ARHGAP22: variants seen among roughly 807,000 people sequenced by gnomAD.
ARHGAP22 encodes the protein Rho GTPase activating protein 22, also known as rho GTPase-activating protein 22.
In ARHGAP22, 48 loss-of-function variants were observed where a neutral mutation model predicts 59.1. The observed-to-expected ratio is 0.81, with a 90% CI of 0.64 to 1.03. The LOEUF (loss-of-function observed/expected upper bound fraction) is 1.03. Among genes scored for constraint, ARHGAP22 ranks in the 50% least tolerant of loss-of-function variants. ARHGAP22 has a pLI of 0.00. For synonymous variants in ARHGAP22, 445 were observed against 416.4 expected, an observed-to-expected ratio of 1.07 and a Z score of -0.84; for missense variants, 1,015 against 958.7, an observed-to-expected ratio of 1.06 and a Z score of -0.78.
At chr10:48,594,697 C>T (rs1296271672) in intron 1 of ARHGAP22, among the ~76,000 whole-genome samples, 2 of 152,144 alleles carry the variant, frequency 1.3e-5, no homozygotes, top group Non-Finnish European at 2.9e-5. Flanking sequence ...ACTGGGAGTG[C>T]CTAGGAGTTT....
At chr10:48,440,320 CAT>C in the ARHGAP22 span, among the ~76,000 whole-genome samples, 2 of 152,152 alleles carry the variant, frequency 1.3e-5, no homozygotes, top group South Asian at 4.1e-4. Flanking sequence ...TTCTGTCTAA[CAT>C]GTACTTTACT....
At chr10:48,439,848 C>T in the ARHGAP22 span, among the ~76,000 whole-genome samples, 1 of 152,220 alleles carries the variant, frequency 6.6e-6, no homozygotes, top group African/African-American at 2.4e-5. Flanking sequence ...ACAGTTCCTG[C>T]TCCAAATGAC....
chr10:48,640,873 G>A (rs567037042), intron 1 of ARHGAP22, among the ~76,000 whole-genome samples: 1 of 152,202 alleles, frequency 6.6e-6, no homozygotes, highest in Admixed American at 6.5e-5. Context: ...GACATAGTAT[G>A]TATAAAGCTA....
At chr10:48,642,536 T>C (rs1224561830) in intron 1 of ARHGAP22, among the ~76,000 whole-genome samples, 4 of 152,222 alleles carry the variant, frequency 2.6e-5, no homozygotes, top group Admixed American at 6.5e-5. Flanking sequence ...GCTAGCCATA[T>C]GTAGAAAGCT....
chr10:48,597,092 T>C, intron 1 of ARHGAP22, among the ~76,000 whole-genome samples: 1 of 152,188 alleles, frequency 6.6e-6, no homozygotes, highest in East Asian at 1.9e-4. Flanking sequence ...CGCAGAATGA[T>C]TGACTTCCAT....
intron 2 of ARHGAP22, among the ~76,000 whole-genome samples, chr10:48,558,340 GT>G (rs59162298): frequency 0.37 from 55,576 of 149,154 alleles, 12,104 homozygotes; most frequent in Non-Finnish European, 0.49. Context: ...GCGATTTAAT[GT>G]TTTTTTTTTG....
intron 1 of ARHGAP22, among the ~76,000 whole-genome samples, chr10:48,588,751 G>A (rs1390352414): frequency 6.6e-6 from 1 of 152,236 alleles, no homozygotes; most frequent in African/African-American, 2.4e-5. Context: ...TGTTCCCTGT[G>A]GGGTCCCGCA....
intron 1 of ARHGAP22, among the ~76,000 whole-genome samples, chr10:48,597,553 G>A (rs142701364): frequency 1.0e-3 from 158 of 152,264 alleles, no homozygotes; most frequent in African/African-American, 3.5e-3. Context: ...TTCCTAGACT[G>A]TGGTGAGGAT....
chr10:48,459,941 TG>T, intron 4 of ARHGAP22, 50 bp from the exon 5 acceptor site: 29 of 1,574,632 alleles, frequency 1.8e-5, no homozygotes, highest in Non-Finnish European at 2.4e-5. Flanking sequence ...AGCTCAGTGT[TG>T]GGTGCTCAGG....
intron 4 of ARHGAP22, among the ~76,000 whole-genome samples, chr10:48,465,466 C>A (rs987624979): frequency 6.6e-6 from 1 of 152,264 alleles, no homozygotes; most frequent in African/African-American, 2.4e-5. Flanking sequence ...GGCCACCTTC[C>A]GGGGTGTGAG....
chr10:48,571,823 A>T (rs2058414578), intron 2 of ARHGAP22, among the ~76,000 whole-genome samples: 3 of 152,144 alleles, frequency 2.0e-5, no homozygotes. Flanking sequence ...TCATTCATCT[A>T]GGCTGTGTGG....
chr10:48,558,489 T>C (rs750791190), intron 2 of ARHGAP22, among the ~76,000 whole-genome samples: 4 of 152,026 alleles, frequency 2.6e-5, no homozygotes, highest in Non-Finnish European at 4.4e-5. Context: ...CGACCTCTAT[T>C]TGGGACCATA....
At chr10:48,544,466 T>C (rs2056252511) in intron 3 of ARHGAP22, among the ~76,000 whole-genome samples, 3 of 152,194 alleles carry the variant, frequency 2.0e-5, no homozygotes, top group African/African-American at 7.2e-5. Flanking sequence ...TATGCTGGTG[T>C]TCTCATCTAG....
chr10:48,605,906 G>C (rs2060653290), upstream of ARHGAP22, among the ~76,000 whole-genome samples: 1 of 152,088 alleles, frequency 6.6e-6, no homozygotes, highest in Admixed American at 6.5e-5. Context: ...CAGAACCCAG[G>C]GCTGTGTCTA....
intron 4 of ARHGAP22, among the ~76,000 whole-genome samples, chr10:48,469,212 G>A (rs1027027959): frequency 6.6e-6 from 1 of 152,222 alleles, no homozygotes; most frequent in East Asian, 1.9e-4. Flanking sequence ...GAGGCCTGCA[G>A]GCACCACCCA....
At chr10:48,518,355 C>A (rs2053493953) in intron 3 of ARHGAP22, among the ~76,000 whole-genome samples, 1 of 152,208 alleles carries the variant, frequency 6.6e-6, no homozygotes, top group African/African-American at 2.4e-5. Flanking sequence ...CTTCAGGGAG[C>A]TTCTGGCTCA....
chr10:48,650,096 G>A (rs910515593), intron 1 of ARHGAP22, among the ~76,000 whole-genome samples: 2 of 149,742 alleles, frequency 1.3e-5, no homozygotes, highest in African/African-American at 4.9e-5. Flanking sequence ...GGTGCTAACC[G>A]AGAGACCAAG....
In ARHGAP22 at chr10:48,509,549, G is replaced by A. The variant is rs1589835267; in HGVS notation, c.323-29785C>T. ...TCAAGTCGAAGGCGGGCCAGCCTGG[G>A]AGCTCCAGCCAGGACAATGGGGCCT... On this transcript the variant is annotated intron_variant, in intron 3 of 9. Transcript: ENST00000249601. 2.6e-5 allele frequency among the ~76,000 whole-genome samples: 4 copies of A among 152,374 alleles called. No individual in the cohort carries two copies. The South Asian group carries it at 8.3e-4, about 32-fold the overall frequency.
At chr10:48,465,065 C>G (rs1200628891) in intron 4 of ARHGAP22, among the ~76,000 whole-genome samples, 2 of 152,180 alleles carry the variant, frequency 1.3e-5, no homozygotes, top group African/African-American at 4.8e-5. Context: ...ATCAGGGTCT[C>G]TCAGGAGCCT....
Sources: allele counts gnomAD v4.1 joint callset (sites outside exome capture counted in the v4.1 genomes callset), GRCh38; gene constraint gnomAD v4.1.1; transcripts MANE v1.5; gene names NCBI Gene and HGNC (gene_info 2026-07-23, HGNC 2026-07-21).